The following OPCML variants were observed in gnomAD, a reference collection of about 807,000 sequenced individuals.
OPCML encodes opioid binding protein/cell adhesion molecule like.
OPCML carries 13 observed loss-of-function variants against 37.8 expected under a neutral mutation model. The ratio of observed to expected loss-of-function variants is 0.34; its 90% CI spans 0.22 to 0.55. The LOEUF (loss-of-function observed/expected upper bound fraction) is 0.55. Ranked by LOEUF, OPCML falls within the 20% of genes least tolerant of loss-of-function variation. The pLI, the probability that OPCML is intolerant of heterozygous loss-of-function variation, is 0.91. For missense variants in OPCML, 341 were observed against 435.6 expected, an observed-to-expected ratio of 0.78 and a Z score of 1.93; for synonymous variants, 176 against 168.8, an observed-to-expected ratio of 1.04 and a Z score of -0.33.
intron 1 of OPCML, among the ~76,000 whole-genome samples, chr11:133,516,834 T>C (rs1039101462): frequency 1.3e-5 from 2 of 152,344 alleles, no homozygotes; most frequent in South Asian, 2.1e-4. Context: ...TCTTTTTTAT[T>C]TTTTATATAA....
At chr11:132,573,585 T>G (rs1243554715) in intron 3 of OPCML, among the ~76,000 whole-genome samples, 1 of 151,994 alleles carries the variant, frequency 6.6e-6, no homozygotes, top group Non-Finnish European at 1.5e-5. Flanking sequence ...TAAATTCCAC[T>G]TGGTTGTGGT....
intron 1 of OPCML, among the ~76,000 whole-genome samples, chr11:133,467,672 G>C (rs1367086563): frequency 6.6e-6 from 1 of 152,064 alleles, no homozygotes; most frequent in Admixed American, 6.6e-5. Flanking sequence ...TCACCAAACT[G>C]AGATATAAGC....
chr11:133,444,798 G>GT lies in OPCML; in HGVS notation c.61+87465_61+87466insA, dbSNP rs1223052411. Among the ~76,000 whole-genome samples, 4 of 136,294 alleles carry GT rather than the reference G, an allele frequency of 2.9e-5. No homozygotes were observed. The East Asian group carries it at 7.9e-4, about 27-fold the overall frequency. The allele number at this position is 136,294 out of a possible 152,430, so 89.4% of individuals were successfully genotyped here. A position where few individuals can be genotyped will look rare whatever the true frequency, so the allele number is the denominator to read the frequency against. On this transcript the variant is annotated intron_variant, in intron 1 of 7. Transcript: ENST00000524381. ...TCTAACTTTGAGTTTTTTGTTTTTT[G>GT]GTTTTTTTTGCATGCAGCTGTATCC...
At chr11:132,974,161 C>T (rs1946406148) in intron 1 of OPCML, among the ~76,000 whole-genome samples, 1 of 152,232 alleles carries the variant, frequency 6.6e-6, no homozygotes, top group African/African-American at 2.4e-5. Context: ...ATTTCAGCCT[C>T]ACTATATCAA....
intron 7 of OPCML, among the ~76,000 whole-genome samples, chr11:132,432,285 T>A (rs78997360): frequency 0.018 from 2,707 of 152,278 alleles, 57 homozygotes; most frequent in African/African-American, 0.059. Context: ...AAATGGTTGG[T>A]AATAATTAGG....
intron 2 of OPCML, among the ~76,000 whole-genome samples, chr11:132,799,464 T>G (rs962918302): frequency 6.6e-6 from 1 of 152,170 alleles, no homozygotes; most frequent in Non-Finnish European, 1.5e-5. Flanking sequence ...ATGAGGGAAC[T>G]GTGGAACAGT....
chr11:132,908,915 T>C (rs373942969), intron 2 of OPCML, among the ~76,000 whole-genome samples: 75 of 152,344 alleles, frequency 4.9e-4, no homozygotes, highest in African/African-American at 1.8e-3. Context: ...GGGCACCAGC[T>C]TGAGGAATCC....
At position 133,494,996 on chromosome 11, in the gene OPCML, T is replaced by C. The variant is rs1425102811; in HGVS notation, c.61+37268A>G. On this transcript the variant is annotated intron_variant, in intron 1 of 7. Transcript: ENST00000524381. Reference sequence around the variant, plus strand: ...TCTTTAGTGGTGATTTGTGAGAGTTTGGTGCATCACCCAAGCAGTATATGC... The same window carrying C: ...TCTTTAGTGGTGATTTGTGAGAGTTCGGTGCATCACCCAAGCAGTATATGC... 1.5e-4 allele frequency among the ~76,000 whole-genome samples: 23 copies of C among 152,168 alleles called. 1 individual carries two copies. Among genetic ancestry groups the C allele is most frequent in the Admixed American group, 1.4e-3 (22 of 15,282 alleles).
At chr11:133,264,424 G>A (rs1941590742) in intron 1 of OPCML, among the ~76,000 whole-genome samples, 5 of 152,192 alleles carry the variant, frequency 3.3e-5, no homozygotes, top group Admixed American at 3.3e-4. Context: ...TGTTCAGAAG[G>A]TGTTGCTGTC....
At chr11:132,685,032 C>T (rs1234017834) in intron 2 of OPCML, among the ~76,000 whole-genome samples, 1 of 152,164 alleles carries the variant, frequency 6.6e-6, no homozygotes, top group Non-Finnish European at 1.5e-5. Context: ...TTATGTAGAG[C>T]TTATTTTAAA....
At chr11:133,454,879 C>A (rs1044796799) in intron 1 of OPCML, among the ~76,000 whole-genome samples, 1 of 152,058 alleles carries the variant, frequency 6.6e-6, no homozygotes, top group African/African-American at 2.4e-5. Context: ...CAGAGTGGTC[C>A]AGAGTTGGAT....
At chr11:133,166,455 T>C (rs947685304) in intron 1 of OPCML, among the ~76,000 whole-genome samples, 6 of 152,244 alleles carry the variant, frequency 3.9e-5, no homozygotes, top group African/African-American at 1.2e-4. Context: ...AGGCCCAGGA[T>C]GTGCAACTCC....
At chr11:132,602,885 G>A in intron 3 of OPCML, among the ~76,000 whole-genome samples, 1 of 152,224 alleles carries the variant, frequency 6.6e-6, no homozygotes, top group Admixed American at 6.5e-5. Context: ...TAAACCAATG[G>A]CTTAGTGCTC....
rs750850537 is a variant in OPCML at position 133,253,813 on chromosome 11, T to TCCTTCCCTTC, written c.61+278441_61+278450dup. Among the ~76,000 whole-genome samples, 179 of 136,666 alleles carry TCCTTCCCTTC rather than the reference T, an allele frequency of 1.3e-3. 1 individual carries two copies. Among genetic ancestry groups the TCCTTCCCTTC allele is most frequent in the Admixed American group, 2.5e-3 (35 of 14,168 alleles). The allele number at this position is 136,666 out of a possible 152,430, so 89.7% of individuals were successfully genotyped here. A position where few individuals can be genotyped will look rare whatever the true frequency, so the allele number is the denominator to read the frequency against. On this transcript the variant is annotated intron_variant, in intron 1 of 7. Transcript: ENST00000524381. The stretch of plus-strand genomic sequence containing the variant: ...TAAAGTTTCTTTTTTCCTTTTTCCC[T>TCCTTCCCTTC]CCTTCCCTTCCCTTCCATTCCCTTC...
At chr11:132,466,343 G>A (rs962886710) in intron 4 of OPCML, among the ~76,000 whole-genome samples, 8 of 151,478 alleles carry the variant, frequency 5.3e-5, no homozygotes, top group Non-Finnish European at 8.8e-5. Flanking sequence ...AAATAGCCAG[G>A]TGTGGTGGCG....
intron 1 of OPCML, among the ~76,000 whole-genome samples, chr11:133,233,815 C>G (rs917545411): frequency 7.2e-5 from 11 of 152,166 alleles, no homozygotes; most frequent in Admixed American, 3.9e-4. Context: ...CATCCATAGG[C>G]CTTAGCCACA....
chr11:133,444,691 T>C (rs925872055), intron 1 of OPCML, among the ~76,000 whole-genome samples: 2 of 152,230 alleles, frequency 1.3e-5, no homozygotes, highest in Non-Finnish European at 2.9e-5. Context: ...ATTGCATCCC[T>C]AGAGAAATAG....
chr11:133,186,995 T>C (rs986826912), intron 1 of OPCML, among the ~76,000 whole-genome samples: 8 of 152,120 alleles, frequency 5.3e-5, no homozygotes, highest in African/African-American at 1.9e-4. Flanking sequence ...GTGGTGTGTG[T>C]AGAGGACAAG....
chr11:132,945,724 T>TTGTG (rs1945731819), intron 1 of OPCML, among the ~76,000 whole-genome samples: 1 of 150,916 alleles, frequency 6.6e-6, no homozygotes, highest in East Asian at 1.9e-4. Flanking sequence ...CACAAACACG[T>TTGTG]TGTACAGTTG....
Sources: gnomAD v4.1 joint callset for allele counts (sites outside exome capture counted in the v4.1 genomes callset) on GRCh38, gnomAD v4.1.1 for gene constraint, MANE v1.5 for transcripts, NCBI Gene and HGNC (gene_info 2026-07-23, HGNC 2026-07-21) for gene names.